DPP6: variants seen among roughly 807,000 people sequenced by gnomAD.
DPP6 encodes dipeptidyl peptidase like 6, also known as A-type potassium channel modulatory protein DPP6.
Under a neutral mutation model 122.6 loss-of-function variants are expected in DPP6, and 69 were observed. The ratio of observed to expected loss-of-function variants is 0.56; its 90% confidence interval spans 0.46 to 0.69. The LOEUF is 0.69. Ranked by LOEUF, DPP6 falls within the 30% of genes least tolerant of loss-of-function variation. The probability of loss-of-function intolerance (pLI) is 0.00; values close to 1 mark genes in which losing one functional copy is unlikely to be tolerated. For missense variants in DPP6, 928 were observed against 1,116.9 expected (o/e 0.83, Z 2.41); for synonymous variants, 418 against 433.1 (o/e 0.97, Z 0.43).
chr7:153,969,694 A>G (rs1223056893), intron 1 of DPP6, among the ~76,000 whole-genome samples: 4 of 148,446 alleles, frequency 2.7e-5, no homozygotes, highest in Admixed American at 1.3e-4. Flanking sequence ...TTATTGAGAT[A>G]CAGTATGCAT....
chr7:153,977,199 GT>G (rs1235460033), intron 1 of DPP6, among the ~76,000 whole-genome samples: 3 of 10,152 alleles, frequency 3.0e-4, no homozygotes, highest in African/African-American at 1.9e-3. Context: ...ACCAATAGGG[GT>G]GTGTGTGTGT....
chr7:153,962,325 G>C (rs1200251801), intron 1 of DPP6, among the ~76,000 whole-genome samples: 3 of 152,176 alleles, frequency 2.0e-5, no homozygotes, highest in African/African-American at 7.2e-5. Flanking sequence ...TCTGATGCTA[G>C]TGACTCCTTC....
chr7:154,151,188 C>T lies in DPP6; in HGVS notation c.243+98125C>T, dbSNP rs1482129114. On this transcript the variant is annotated intron_variant, in intron 1 of 25. Coordinates refer to ENST00000377770, the MANE Select transcript of DPP6 (RefSeq NM_130797.4). ...ATGGAAGCTGCCAATATGTGTCCCA[C>T]CTGCCGGCATTAGACCTGGGGCACC... 3.9e-5 allele frequency among the ~76,000 whole-genome samples: 6 copies of T among 152,328 alleles called. No individual in the cohort carries two copies. The South Asian group carries it at 1.2e-3, about 32-fold the overall frequency.
At chr7:154,849,002 C>G (rs1336738274) in intron 16 of DPP6, among the ~76,000 whole-genome samples, 1 of 152,124 alleles carries the variant, frequency 6.6e-6, no homozygotes, top group East Asian at 1.9e-4. Context: ...GGCTCTCTAT[C>G]CTATTCCATT....
chr7:154,023,318 G>GCACGCACGCACACACACACA (rs373378162), intron 1 of DPP6, among the ~76,000 whole-genome samples: 18 of 129,618 alleles, frequency 1.4e-4, no homozygotes, highest in East Asian at 1.2e-3. Context: ...TTTCTTGTCT[G>GCACGCACGCACACACACACA]CACACACACA....
At chr7:154,621,408 G>T (rs796987603) in intron 5 of DPP6, among the ~76,000 whole-genome samples, 2 of 152,040 alleles carry the variant, frequency 1.3e-5, no homozygotes, top group South Asian at 4.1e-4. Context: ...TCACTCTGTC[G>T]CCCAGGCTAG....
At chr7:154,115,092 C>T (rs1025805997) in intron 1 of DPP6, among the ~76,000 whole-genome samples, 7 of 152,202 alleles carry the variant, frequency 4.6e-5, no homozygotes, top group East Asian at 1.9e-4. Context: ...CCAGCTCTCT[C>T]GGGCTGCCCC....
chr7:154,401,305 G>C (rs1815575994), intron 1 of DPP6, among the ~76,000 whole-genome samples: 1 of 152,070 alleles, frequency 6.6e-6, no homozygotes, highest in African/African-American at 2.4e-5. Context: ...AAAATTGAAG[G>C]ATGCCTTAGA....
intron 1 of DPP6, among the ~76,000 whole-genome samples, chr7:154,193,130 A>G: frequency 6.6e-6 from 1 of 152,232 alleles, no homozygotes; most frequent in East Asian, 1.9e-4. Context: ...GTCCTGGTTC[A>G]TGGCTATTTA....
chr7:153,983,500 C>T (rs532952924), intron 1 of DPP6, among the ~76,000 whole-genome samples: 39 of 152,354 alleles, frequency 2.6e-4, no homozygotes, highest in East Asian at 3.9e-4. Context: ...AGATGGGCTC[C>T]GCTGAGCAAG....
chr7:154,389,560 A>G (rs1814432062), intron 1 of DPP6, among the ~76,000 whole-genome samples: 1 of 152,164 alleles, frequency 6.6e-6, no homozygotes, highest in South Asian at 2.1e-4. Flanking sequence ...TGTGTTTTGA[A>G]TTCATGTCAA....
At chr7:154,589,171 C>T (rs1025823067) in intron 5 of DPP6, among the ~76,000 whole-genome samples, 3 of 152,138 alleles carry the variant, frequency 2.0e-5, no homozygotes, top group African/African-American at 7.2e-5. Context: ...CTAACGCTGC[C>T]CTCCTCAACC....
chr7:154,587,346 C>G (rs148892881), intron 5 of DPP6: 13 of 431,150 alleles, frequency 3.0e-5, no homozygotes, highest in African/African-American at 8.0e-5. Flanking sequence ...ATTCCTCCCC[C>G]CAACCATTCC....
At chr7:154,564,790 G>A (rs927129631) in intron 4 of DPP6, among the ~76,000 whole-genome samples, 17 of 152,306 alleles carry the variant, frequency 1.1e-4, no homozygotes, top group Admixed American at 7.2e-4. Flanking sequence ...TTTTGCCATC[G>A]TTCTCAGGCA....
chr7:153,885,907 G>C (rs1044876337), upstream of DPP6, among the ~76,000 whole-genome samples: 4 of 152,112 alleles, frequency 2.6e-5, no homozygotes, highest in Non-Finnish European at 5.9e-5. Context: ...ATTCGTGTTT[G>C]CATGTGGGCA....
At chr7:154,233,348 A>G (rs928702160) in intron 1 of DPP6, among the ~76,000 whole-genome samples, 1 of 152,238 alleles carries the variant, frequency 6.6e-6, no homozygotes, top group Non-Finnish European at 1.5e-5. Flanking sequence ...AGAACACAGC[A>G]TCAGTGGCTA....
chr7:154,231,224 C>A (rs1800899420), intron 1 of DPP6, among the ~76,000 whole-genome samples: 2 of 152,170 alleles, frequency 1.3e-5, no homozygotes, highest in Non-Finnish European at 2.9e-5. Context: ...GAAATGATGT[C>A]TTTGACATGG....
At chr7:154,445,569 G>T (rs1819792107) in intron 1 of DPP6, among the ~76,000 whole-genome samples, 1 of 152,232 alleles carries the variant, frequency 6.6e-6, no homozygotes, top group African/African-American at 2.4e-5. Context: ...AGGGTTCTCT[G>T]GAAGGGACTG....
intron 1 of DPP6, among the ~76,000 whole-genome samples, chr7:154,285,156 T>C (rs1047291591): frequency 6.6e-6 from 1 of 152,256 alleles, no homozygotes; most frequent in African/African-American, 2.4e-5. Flanking sequence ...ACTGCTTTTA[T>C]ATTTTAATTA....
Sources: allele counts gnomAD v4.1 joint callset (sites outside exome capture counted in the v4.1 genomes callset), GRCh38; gene constraint gnomAD v4.1.1; transcripts MANE v1.5; gene names NCBI Gene and HGNC (gene_info 2026-07-23, HGNC 2026-07-21).